DDX19B: variants seen among roughly 807,000 people sequenced by gnomAD.
DDX19B encodes DEAD-box helicase 19B, also known as ATP-dependent RNA helicase DDX19B.
Under a neutral mutation model 58.1 loss-of-function variants are expected in DDX19B, and 27 were observed. The observed-to-expected ratio is 0.46, with a 90% CI of 0.34 to 0.64. The LOEUF (loss-of-function observed/expected upper bound fraction) is 0.64, where lower values mean the gene tolerates loss of function less well. DDX19B is among the 30% of genes least tolerant of loss of function. The probability of loss-of-function intolerance (pLI) is 0.01; values close to 1 mark genes in which losing one functional copy is unlikely to be tolerated. For missense variants in DDX19B, 399 were observed against 596.5 expected, an observed-to-expected ratio of 0.67 and a Z score of 3.45; for synonymous variants, 187 against 214.4, an observed-to-expected ratio of 0.87 and a Z score of 1.12.
chr16:70,321,123 T>A (rs1366524459), intron 5 of DDX19B, among the ~76,000 whole-genome samples: 1 of 151,776 alleles, frequency 6.6e-6, no homozygotes, highest in Non-Finnish European at 1.5e-5. Flanking sequence ...CCACCATGCC[T>A]GGCTAATTTT....
At chr16:70,305,739 TTTAATTA>T (rs1961714444) in intron 1 of DDX19B, among the ~76,000 whole-genome samples, 4 of 152,046 alleles carry the variant, frequency 2.6e-5, no homozygotes, top group Non-Finnish European at 4.4e-5. Context: ...TTTTTGTTTT[TTTAATTA>T]TTATTTTTTA....
chr16:70,330,175 G>A, intron 9 of DDX19B, 107 bp downstream of exon 9: 1 of 1,338,114 alleles, frequency 7.5e-7, no homozygotes. Context: ...AAACGAAGTG[G>A]TTTGTTCTCC....
chr16:70,320,140 C>T (rs1202736363), intron 5 of DDX19B, among the ~76,000 whole-genome samples: 4 of 151,748 alleles, frequency 2.6e-5, no homozygotes, highest in Admixed American at 1.3e-4. Context: ...GATAAGGTCT[C>T]ACTCTGTCAC....
upstream of DDX19B, among the ~76,000 whole-genome samples, chr16:70,296,237 C>T (rs999559445): frequency 2.6e-5 from 4 of 151,864 alleles, no homozygotes; most frequent in Non-Finnish European, 5.9e-5. Context: ...CTCCTGACCT[C>T]GTGATCCACC....
chr16:70,305,542 A>T (rs1003283157), intron 1 of DDX19B, among the ~76,000 whole-genome samples: 1 of 152,184 alleles, frequency 6.6e-6, no homozygotes, highest in African/African-American at 2.4e-5. Flanking sequence ...TATATTATGT[A>T]CATTGTAAAG....
In DDX19B at chr16:70,317,600, AT is replaced by A. The variant is rs745475665; in HGVS notation, c.389+14del. 2 of 1,593,352 alleles carry A rather than the reference AT, an allele frequency of 1.3e-6. No homozygotes were observed. Among genetic ancestry groups the A allele is most frequent in the South Asian group, 2.3e-5 (2 of 88,564 alleles). ...ATGCTTGCTGAGCCGTATGTGTCCT[AT>A]TACAACTCCATTTCATTTTAGATTT... On this transcript the variant is annotated intron_variant, in intron 5 of 11. Transcript: ENST00000288071.
intron 1 of DDX19B, among the ~76,000 whole-genome samples, chr16:70,310,592 T>A (rs1346553661): frequency 2.6e-5 from 4 of 152,108 alleles, no homozygotes; most frequent in African/African-American, 4.8e-5. Context: ...ATTTTCTTTT[T>A]ACTAGATGAT....
intron 1 of DDX19B, among the ~76,000 whole-genome samples, chr16:70,310,717 GA>G (rs1253375127): frequency 6.6e-6 from 1 of 152,038 alleles, no homozygotes; most frequent in Non-Finnish European, 1.5e-5. Flanking sequence ...AAGACTTACA[GA>G]TGCTTTCTGA....
chr16:70,330,487 C>T (rs1597503338), intron 9 of DDX19B, among the ~76,000 whole-genome samples: 1 of 152,114 alleles, frequency 6.6e-6, no homozygotes, highest in African/African-American at 2.4e-5. Flanking sequence ...ACTCAGGAGG[C>T]TGAAGCAGGA....
chr16:70,310,290 A>G (rs1962014438), intron 1 of DDX19B, among the ~76,000 whole-genome samples: 1 of 152,108 alleles, frequency 6.6e-6, no homozygotes, highest in Non-Finnish European at 1.5e-5. Flanking sequence ...CTGAAGCAGG[A>G]GAATCGTTTG....
intron 1 of DDX19B, among the ~76,000 whole-genome samples, chr16:70,302,411 C>A (rs1270880010): frequency 6.6e-6 from 1 of 152,118 alleles, no homozygotes; most frequent in Non-Finnish European, 1.5e-5. Context: ...TCTCCTCACC[C>A]TTCTCTGGCA....
chr16:70,312,590 C>T lies in DDX19B; in HGVS notation c.58-19C>T. The T allele has an allele frequency of 8.1e-6, 13 of 1,611,152 alleles. No homozygotes were observed. Among genetic ancestry groups the T allele is most frequent in the Non-Finnish European group, 1.1e-5 (13 of 1,177,822 alleles). On this transcript the variant is annotated intron_variant, in intron 1 of 11. Coordinates refer to ENST00000288071, the MANE Select transcript of DDX19B (RefSeq NM_007242.7). ...TGCTTTTCCTGACACTTTCCCCCTC[C>T]CCCATATTCTCCATTTAGTTGAGCA... is the stretch of plus-strand genomic sequence containing the variant.
chr16:70,290,715 T>C (rs569360632), upstream of DDX19B, among the ~76,000 whole-genome samples: 2 of 152,262 alleles, frequency 1.3e-5, no homozygotes, highest in East Asian at 3.9e-4. Context: ...TATGTATTTA[T>C]ACGTGAGGCA....
At chr16:70,324,452 G>T (rs1963033689) in intron 5 of DDX19B, 133 bp from the exon 6 acceptor site, 2 of 599,656 alleles carry the variant, frequency 3.3e-6, no homozygotes, top group Admixed American at 3.6e-5. Context: ...CCCTGTTCTT[G>T]TGAAGCTAGC....
At position 70,335,124 on chromosome 16, in the gene DDX19B, G is replaced by C. The variant is rs926816720; in HGVS notation, c.*1542G>C. 1.3e-5 allele frequency: 2 copies of C among 152,138 alleles called. No homozygotes were observed. Among genetic ancestry groups the C allele is most frequent in the African/African-American group, 2.4e-5 (1 of 41,430 alleles). 9.4% of individuals were successfully genotyped at this position (152,138 alleles called of 1,614,324 possible). On this transcript the variant is annotated 3_prime_UTR_variant, in exon 12 of 12. Coordinates refer to ENST00000288071, the MANE Select transcript of DDX19B (RefSeq NM_007242.7). ...ACTGCCAATTCTACCACATTCCCCT[G>C]GTGGGTACTCGACTATGTAGTTTTC...
chr16:70,297,797 T>A (rs1961282658), upstream of DDX19B, among the ~76,000 whole-genome samples: 1 of 152,160 alleles, frequency 6.6e-6, no homozygotes, highest in South Asian at 2.1e-4. Context: ...CACTGCTAAC[T>A]GCAGCCTCAA....
chr16:70,308,744 C>G (rs1343287414), intron 1 of DDX19B, among the ~76,000 whole-genome samples: 1 of 151,766 alleles, frequency 6.6e-6, no homozygotes, highest in Non-Finnish European at 1.5e-5. Flanking sequence ...AACTCCTGGC[C>G]TCAAGGGAGC....
chr16:70,306,725 C>A (rs1270140467), intron 1 of DDX19B, among the ~76,000 whole-genome samples: 1 of 152,138 alleles, frequency 6.6e-6, no homozygotes, highest in Non-Finnish European at 1.5e-5. Context: ...AATCTTGAGA[C>A]CCTATTATTA....
At chr16:70,326,472 G>A (rs535272606) in intron 7 of DDX19B, among the ~76,000 whole-genome samples, 11 of 152,194 alleles carry the variant, frequency 7.2e-5, no homozygotes, top group Non-Finnish European at 1.5e-4. Context: ...GCGAGACTCC[G>A]TCTCAAAACA....
Sources: gnomAD v4.1 joint callset for allele counts (sites outside exome capture counted in the v4.1 genomes callset) on GRCh38, gnomAD v4.1.1 for gene constraint, MANE v1.5 for transcripts, NCBI Gene and HGNC (gene_info 2026-07-23, HGNC 2026-07-21) for gene names.